The following SEM1 variants were observed in gnomAD, a reference collection of about 807,000 sequenced individuals.
SEM1 encodes SEM1 26S proteasome subunit.
In SEM1, 3 loss-of-function variants were observed where a neutral mutation model predicts 12.7. The observed-to-expected ratio is 0.24, with a 90% CI of 0.11 to 0.61. The LOEUF is 0.61. Ranked by LOEUF, SEM1 falls within the 20% of genes least tolerant of loss-of-function variation. SEM1 has a pLI of 0.88. For synonymous variants in SEM1, 30 were observed against 27.8 expected, an observed-to-expected ratio of 1.08 and a Z score of -0.25; for missense variants, 59 against 81.3, an observed-to-expected ratio of 0.73 and a Z score of 1.06.
downstream of SEM1, among the ~76,000 whole-genome samples, chr7:96,672,321 A>G (rs1789337738): frequency 6.6e-6 from 1 of 152,188 alleles, no homozygotes; most frequent in South Asian, 2.1e-4. Flanking sequence ...AGTTTGATGG[A>G]AAGAGCCTCC....
chr7:96,612,201 G>A (rs1807561066), intron 2 of SEM1, among the ~76,000 whole-genome samples: 1 of 152,166 alleles, frequency 6.6e-6, no homozygotes, highest in Admixed American at 6.5e-5. Flanking sequence ...GAGGCTCAGA[G>A]CAATTAATAG....
chr7:96,560,943 T>A (rs757831798), intron 2 of SEM1, among the ~76,000 whole-genome samples: 1 of 152,094 alleles, frequency 6.6e-6, no homozygotes, highest in Non-Finnish European at 1.5e-5. Flanking sequence ...GTACGTGCTG[T>A]TTAATTTAAT....
At chr7:96,700,416 G>A (rs1052813100) in intron 1 of SEM1, among the ~76,000 whole-genome samples, 4 of 152,046 alleles carry the variant, frequency 2.6e-5, no homozygotes, top group Non-Finnish European at 4.4e-5. Flanking sequence ...CTTGTTCCAG[G>A]ACAGCCCAAG....
At chr7:96,642,856 CA>C (rs1378834605) in intron 2 of SEM1, among the ~76,000 whole-genome samples, 1 of 151,998 alleles carries the variant, frequency 6.6e-6, no homozygotes, top group Non-Finnish European at 1.5e-5. Flanking sequence ...TCCAAGTCCT[CA>C]GCATGACTAC....
chr7:96,697,918 T>C (rs1790149278), intron 1 of SEM1, among the ~76,000 whole-genome samples: 1 of 152,182 alleles, frequency 6.6e-6, no homozygotes, highest in Non-Finnish European at 1.5e-5. Flanking sequence ...AACACCCGTA[T>C]ACCCTGCAGA....
downstream of SEM1, among the ~76,000 whole-genome samples, chr7:96,685,833 T>C (rs567893709): frequency 4.6e-5 from 7 of 151,778 alleles, no homozygotes; most frequent in East Asian, 1.4e-3. Context: ...TATTATCACA[T>C]GCTAATCTTC....
At chr7:96,507,569 C>T (rs1803795193) in intron 2 of SEM1, among the ~76,000 whole-genome samples, 1 of 152,044 alleles carries the variant, frequency 6.6e-6, no homozygotes, top group South Asian at 2.1e-4. Context: ...CAGTGCTGGA[C>T]CTCTTCAGTG....
chr7:96,693,865 T>C (rs1044607090), intron 2 of SEM1, among the ~76,000 whole-genome samples: 2 of 151,656 alleles, frequency 1.3e-5, no homozygotes, highest in African/African-American at 4.8e-5. Context: ...CGTACGTTCA[T>C]AGCAGCACTA....
chr7:96,547,934 G>A (rs1805153867), intron 2 of SEM1, among the ~76,000 whole-genome samples: 1 of 152,106 alleles, frequency 6.6e-6, no homozygotes, highest in Non-Finnish European at 1.5e-5. Context: ...TGTACCACTG[G>A]AATCCTGTTG....
chr7:96,674,025 A>C (rs1357996448), intron 2 of SEM1, among the ~76,000 whole-genome samples: 1 of 151,938 alleles, frequency 6.6e-6, no homozygotes, highest in Non-Finnish European at 1.5e-5. Context: ...CCGCCAGCCA[A>C]ATTTTTAGAT....
At chr7:96,494,386 T>C (rs1407987450) in intron 1 of SEM1, among the ~76,000 whole-genome samples, 1 of 152,216 alleles carries the variant, frequency 6.6e-6, no homozygotes, top group Non-Finnish European at 1.5e-5. Context: ...CTTACTACTG[T>C]AAAGTTTGGG....
chr7:96,615,604 T>C (rs1807693592), intron 2 of SEM1, among the ~76,000 whole-genome samples: 1 of 152,150 alleles, frequency 6.6e-6, no homozygotes, highest in Non-Finnish European at 1.5e-5. Flanking sequence ...TTATTTAAAT[T>C]TTTATGTATT....
At chr7:96,592,660 T>A (rs1342931773) in intron 2 of SEM1, among the ~76,000 whole-genome samples, 1 of 151,594 alleles carries the variant, frequency 6.6e-6, no homozygotes, top group African/African-American at 2.4e-5. Flanking sequence ...GGGGCAGCAA[T>A]CTGTAGGAGC....
intron 2 of SEM1, among the ~76,000 whole-genome samples, chr7:96,676,721 T>C (rs566384704): frequency 2.6e-5 from 4 of 152,312 alleles, no homozygotes; most frequent in South Asian, 4.1e-4. Flanking sequence ...ATTTCCCATA[T>C]CTTTTTCTCT....
chr7:96,573,365 A>G (rs1806102761), intron 2 of SEM1, among the ~76,000 whole-genome samples: 1 of 152,002 alleles, frequency 6.6e-6, no homozygotes, highest in Non-Finnish European at 1.5e-5. Flanking sequence ...TACTTGATGC[A>G]GTTTCTTCAT....
chr7:96,542,155 G>A lies in SEM1; in HGVS notation c.171-35457C>T, dbSNP rs544347439. On this transcript the variant is annotated intron_variant and NMD_transcript_variant, in intron 2 of 3. Coordinates refer to the SEM1 transcript ENST00000466986. ...ATGTGAAAAATTACATTGGTAGTTT[G>A]ATAAAAATAGCATTGAACCTATGGA... Among the ~76,000 whole-genome samples, 12 of 151,602 alleles carry A rather than the reference G, an allele frequency of 7.9e-5. 1 individual carries two copies. The highest frequency in any genetic ancestry group is 1.2e-4 in the Non-Finnish European group (8 of 67,736).
At chr7:96,563,181 CTATT>C (rs1242135469) in intron 2 of SEM1, among the ~76,000 whole-genome samples, 1 of 151,940 alleles carries the variant, frequency 6.6e-6, no homozygotes, top group Non-Finnish European at 1.5e-5. Flanking sequence ...TTAGAACAAA[CTATT>C]CATTCATGAC....
chr7:96,615,858 T>G (rs1391553926), intron 2 of SEM1, among the ~76,000 whole-genome samples: 1 of 152,226 alleles, frequency 6.6e-6, no homozygotes, highest in African/African-American at 2.4e-5. Context: ...TTATTTCACT[T>G]AGGATAATGG....
At chr7:96,648,933 C>T (rs1162826208) in intron 2 of SEM1, among the ~76,000 whole-genome samples, 2 of 152,116 alleles carry the variant, frequency 1.3e-5, no homozygotes, top group Non-Finnish European at 2.9e-5. Context: ...TGTTTTTTTC[C>T]CCTGCCTGGA....
Sources: allele counts gnomAD v4.1 joint callset (sites outside exome capture counted in the v4.1 genomes callset), GRCh38; gene constraint gnomAD v4.1.1; transcripts MANE v1.5; gene names NCBI Gene and HGNC (gene_info 2026-07-23, HGNC 2026-07-21).